MTUS2: variants seen among roughly 807,000 people sequenced by gnomAD.
MTUS2 encodes the protein microtubule-associated tumor suppressor candidate 2.
In MTUS2, 40 loss-of-function variants were observed where a neutral mutation model predicts 114.1. The ratio of observed to expected loss-of-function variants is 0.35; its 90% CI spans 0.27 to 0.46. MTUS2 has a LOEUF of 0.46. Ranked by LOEUF, MTUS2 falls within the 20% of genes least tolerant of loss-of-function variation. MTUS2 has a pLI of 1.00. For missense variants in MTUS2, 1,679 were observed against 1,705.4 expected (o/e 0.98, Z 0.27); for synonymous variants, 688 against 672.0 (o/e 1.02, Z -0.37).
chr13:29,411,271 G>A (rs1187619420), intron 8 of MTUS2, among the ~76,000 whole-genome samples: 2 of 152,202 alleles, frequency 1.3e-5, no homozygotes, highest in Admixed American at 1.3e-4. Context: ...AAGGTGTAAT[G>A]TAGACCTAAT....
intron 8 of MTUS2, among the ~76,000 whole-genome samples, chr13:29,364,366 G>A (rs1870530853): frequency 6.6e-6 from 1 of 152,090 alleles, no homozygotes; most frequent in African/African-American, 2.4e-5. Context: ...GAGTGCCCCC[G>A]CTCCCTGCAT....
intron 4 of MTUS2, among the ~76,000 whole-genome samples, chr13:29,058,397 T>G (rs923684026): frequency 6.6e-6 from 1 of 151,966 alleles, no homozygotes; most frequent in Non-Finnish European, 1.5e-5. Context: ...TTACTCTCCC[T>G]TTCTTTCAGG....
chr13:29,049,328 C>G (rs1887781106), intron 4 of MTUS2, among the ~76,000 whole-genome samples: 2 of 152,174 alleles, frequency 1.3e-5, no homozygotes, highest in Non-Finnish European at 2.9e-5. Flanking sequence ...AGGGAGGCTC[C>G]CATGAGGCCC....
At chr13:29,282,353 C>A (rs1364441801) in intron 6 of MTUS2, among the ~76,000 whole-genome samples, 3 of 152,228 alleles carry the variant, frequency 2.0e-5, no homozygotes. Flanking sequence ...GTAGGGTTGG[C>A]TCTAGAGCCA....
chr13:29,076,822 T>A (rs1197337981), intron 4 of MTUS2, among the ~76,000 whole-genome samples: 1 of 152,174 alleles, frequency 6.6e-6, no homozygotes, highest in African/African-American at 2.4e-5. Flanking sequence ...GGAAGTTAGC[T>A]CCTGTGCACC....
chr13:29,355,366 C>T (rs1195725505), intron 7 of MTUS2, among the ~76,000 whole-genome samples: 1 of 148,842 alleles, frequency 6.7e-6, no homozygotes, highest in Non-Finnish European at 1.5e-5. Flanking sequence ...AGTTATGTAG[C>T]CAGTAGGACC....
chr13:29,333,888 G>A (rs1432845834), intron 7 of MTUS2, among the ~76,000 whole-genome samples: 1 of 152,172 alleles, frequency 6.6e-6, no homozygotes, highest in Non-Finnish European at 1.5e-5. Flanking sequence ...GGGAGCATAT[G>A]TATTTAGAAT....
intron 4 of MTUS2, among the ~76,000 whole-genome samples, chr13:29,087,101 C>T (rs559688046): frequency 6.6e-6 from 1 of 152,220 alleles, no homozygotes; most frequent in Non-Finnish European, 1.5e-5. Flanking sequence ...ATTTATTTCT[C>T]TTGCCTGATT....
intron 8 of MTUS2, among the ~76,000 whole-genome samples, chr13:29,414,468 T>TAAAAAAAAAAAAA (rs67181675): frequency 2.4e-5 from 3 of 126,806 alleles, no homozygotes; most frequent in Non-Finnish European, 3.3e-5. Context: ...AAAAAAAAAT[T>TAAAAAAAAAAAAA]AAAAAAAAAA....
intron 13 of MTUS2, 44 bp from the exon 14 acceptor site, chr13:29,498,374 G>T (rs1276025905): frequency 6.2e-7 from 1 of 1,611,070 alleles, no homozygotes; most frequent in Non-Finnish European, 8.5e-7. Flanking sequence ...ACTGGGTTTT[G>T]CCGGGAATCC....
chr13:29,026,524 C>G lies in MTUS2; in HGVS notation c.1826C>G (p.Pro609Arg). Residue 609 changes from proline to arginine, a missense_variant, in exon 3 of 16, where the codon CCT becomes CGT. Pro to Arg is a moderately radical substitution (Grantham distance 103, BLOSUM62 -2). Coordinates refer to ENST00000612955, the MANE Select transcript of MTUS2 (RefSeq NM_001033602.4). ...KPVFTHSKDT[P>R]SSQEGMENYQ... Reference sequence around the variant, plus strand: ...GTCTTCACACATTCCAAGGACACACCTTCCTCGCAGGAGGGAATGGAGAAC... The same window carrying G: ...GTCTTCACACATTCCAAGGACACACGTTCCTCGCAGGAGGGAATGGAGAAC... 2.5e-6 allele frequency: 4 copies of G among 1,613,976 alleles called. No homozygotes were observed. The highest frequency in any genetic ancestry group is 8.5e-7 in the Non-Finnish European group (1 of 1,179,888).
intron 2 of MTUS2, among the ~76,000 whole-genome samples, chr13:28,899,956 C>G (rs1273805470): frequency 6.6e-6 from 1 of 152,044 alleles, no homozygotes; most frequent in Non-Finnish European, 1.5e-5. Flanking sequence ...GGCAGGATCT[C>G]GACTCACTGC....
intron 2 of MTUS2, among the ~76,000 whole-genome samples, chr13:28,953,630 C>T (rs555270375): frequency 3.3e-5 from 5 of 152,060 alleles, no homozygotes; most frequent in Admixed American, 6.6e-5. Flanking sequence ...TTTAAAATTT[C>T]CATATAGCCA....
chr13:28,939,435 G>A (rs937484691), intron 2 of MTUS2, among the ~76,000 whole-genome samples: 2 of 152,162 alleles, frequency 1.3e-5, no homozygotes, highest in African/African-American at 4.8e-5. Context: ...TGTAGCATAT[G>A]TCTCTGGGGC....
chr13:29,193,756 G>A (rs7987929), intron 5 of MTUS2, among the ~76,000 whole-genome samples: 126,893 of 151,756 alleles, frequency 0.84, 53,288 homozygotes, highest in African/African-American at 0.91. Context: ...TAAAGTTCAT[G>A]TGGAACCAAA....
In MTUS2 at chr13:29,360,694, C is replaced by A. The variant is rs923998341; in HGVS notation, c.3117+1221C>A. Among the ~76,000 whole-genome samples, 9 of 138,704 alleles carry A rather than the reference C, an allele frequency of 6.5e-5. 1 individual carries two copies. Among genetic ancestry groups the A allele is most frequent in the African/African-American group, 1.8e-4 (7 of 39,248 alleles). The allele number at this position is 138,704 out of a possible 152,430, so 91.0% of individuals were successfully genotyped here. On this transcript the variant is annotated intron_variant, in intron 8 of 15. Coordinates refer to ENST00000612955, the MANE Select transcript of MTUS2 (RefSeq NM_001033602.4). ...TTGCATAAAGTAGCCGAACACCCCC[C>A]CCCCCCCGTAAGAATTAAAGTTACA...
intron 4 of MTUS2, among the ~76,000 whole-genome samples, chr13:29,043,345 TG>T (rs1224661327): frequency 6.6e-6 from 1 of 152,150 alleles, no homozygotes; most frequent in Non-Finnish European, 1.5e-5. Context: ...ACTTCTTTTG[TG>T]GCCTATCATA....
intron 5 of MTUS2, among the ~76,000 whole-genome samples, chr13:29,267,165 AC>A (rs1897696812): frequency 6.6e-6 from 1 of 152,178 alleles, no homozygotes; most frequent in Non-Finnish European, 1.5e-5. Flanking sequence ...AAGCATACTG[AC>A]TTGCATTGGT....
intron 2 of MTUS2, among the ~76,000 whole-genome samples, chr13:28,986,243 T>C (rs1884580444): frequency 6.6e-6 from 1 of 151,966 alleles, no homozygotes; most frequent in Non-Finnish European, 1.5e-5. Flanking sequence ...TTGGGGCCTA[T>C]GGAGATCCAT....
Sources: allele counts gnomAD v4.1 joint callset (sites outside exome capture counted in the v4.1 genomes callset), GRCh38; gene constraint gnomAD v4.1.1; transcripts MANE v1.5; gene names NCBI Gene and HGNC (gene_info 2026-07-23, HGNC 2026-07-21).